Variants in ATOX1 observed in about 807,000 individuals in gnomAD.
ATOX1 encodes the protein antioxidant 1 copper chaperone.
Under a neutral mutation model 7.3 loss-of-function variants are expected in ATOX1, and 4 were observed. The ratio of observed to expected loss-of-function variants is 0.55; its 90% CI spans 0.27 to 1.25. The LOEUF is 1.25. ATOX1 is among the 50% of genes most tolerant of loss of function. The probability of loss-of-function intolerance (pLI) is 0.12; values close to 1 mark genes in which losing one functional copy is unlikely to be tolerated. For synonymous variants in ATOX1, 25 were observed against 28.7 expected (o/e 0.87, Z 0.41); for missense variants, 68 against 81.6 (o/e 0.83, Z 0.64).
chr5:151,751,846 C>T (rs1761954840), intron 1 of ATOX1, 67 bp from the exon 2 acceptor site: 8 of 1,474,456 alleles, frequency 5.4e-6, no homozygotes, highest in African/African-American at 1.4e-5. Flanking sequence ...TGCCAGCAGA[C>T]AGGCCCACTC....
chr5:151,755,938 C>CTTTTT (rs914215313), intron 1 of ATOX1, among the ~76,000 whole-genome samples: 6 of 118,444 alleles, frequency 5.1e-5, no homozygotes, highest in Non-Finnish European at 7.2e-5. Flanking sequence ...TGGGATGATT[C>CTTTTT]TTTTTTTTTT....
At chr5:151,750,599 T>A (rs1261062623) in intron 2 of ATOX1, among the ~76,000 whole-genome samples, 1 of 150,602 alleles carries the variant, frequency 6.6e-6, no homozygotes, top group Non-Finnish European at 1.5e-5. Context: ...AAAGACAAAA[T>A]TTTAAAAATT....
At chr5:151,746,552 C>G (rs1346929123) in intron 2 of ATOX1, 103 bp from the exon 3 acceptor site, 1 of 1,493,944 alleles carries the variant, frequency 6.7e-7, no homozygotes, top group Non-Finnish European at 9.1e-7. Flanking sequence ...ACCACCCTTG[C>G]CCTTTCCTCT....
intron 2 of ATOX1, among the ~76,000 whole-genome samples, chr5:151,750,881 G>A (rs950233620): frequency 6.6e-6 from 1 of 151,744 alleles, no homozygotes; most frequent in Non-Finnish European, 1.5e-5. Context: ...GGGAACTCCT[G>A]AGCTCAGGCA....
intron 2 of ATOX1, among the ~76,000 whole-genome samples, chr5:151,750,295 T>C (rs1007806985): frequency 1.8e-4 from 27 of 152,160 alleles, no homozygotes; most frequent in African/African-American, 6.5e-4. Context: ...CGGTGGCTCA[T>C]GCCTGTAACC....
chr5:151,757,564 G>C (rs1476244647), intron 1 of ATOX1, among the ~76,000 whole-genome samples: 5 of 152,202 alleles, frequency 3.3e-5, no homozygotes, highest in Non-Finnish European at 7.3e-5. Flanking sequence ...AAAGACACAT[G>C]GCAACTGTGG....
chr5:151,758,432 C>A (rs1762042475), intron 1 of ATOX1, 114 bp downstream of exon 1: 2 of 1,350,316 alleles, frequency 1.5e-6, no homozygotes, highest in East Asian at 6.2e-5. Context: ...GGGACAACAG[C>A]GGCTCCGGCC....
In ATOX1 at chr5:151,750,029, G is replaced by A. The variant is rs1761927613; in HGVS notation, c.82+1675C>T. On this transcript the variant is annotated intron_variant, in intron 2 of 3. Coordinates refer to ENST00000313115, the MANE Select transcript of ATOX1 (RefSeq NM_004045.4). ...AAAACTTAATGTCATTATTATTTAG[G>A]GTTTTAAAAAAGAAAATTTTAGAAG... Among the ~76,000 whole-genome samples, 3 of 152,190 alleles carry A rather than the reference G, an allele frequency of 2.0e-5. No individual in the cohort carries two copies. In the South Asian group the frequency reaches 6.2e-4, roughly 32 times the overall value.
chr5:151,758,563 C>T lies in ATOX1; in HGVS notation c.-12G>A. Reference sequence around the variant, plus strand: ...CCACTCACCGGCATGACTGAGGCAGCGGCGGTGTGGCGGCGGTGTGGCGGC... The same window carrying T: ...CCACTCACCGGCATGACTGAGGCAGTGGCGGTGTGGCGGCGGTGTGGCGGC... On this transcript the variant is annotated 5_prime_UTR_variant, in exon 1 of 4. Transcript: ENST00000313115. The T allele has an allele frequency of 2.1e-6, 3 of 1,421,356 alleles. No homozygotes were observed. Among genetic ancestry groups the T allele is most frequent in the South Asian group, 3.1e-5 (2 of 64,636 alleles). The allele number at this position is 1,421,356 out of a possible 1,614,324, so 88.0% of individuals were successfully genotyped here. A position where few individuals can be genotyped will look rare whatever the true frequency, so the allele number is the denominator to read the frequency against.
intron 1 of ATOX1, chr5:151,752,126 C>A: frequency 1.6e-6 from 1 of 617,510 alleles, no homozygotes; most frequent in Middle Eastern, 3.0e-4. Context: ...CTCAGGGCCA[C>A]CAGTAACTCT....
intron 1 of ATOX1, 57 bp from the exon 2 acceptor site, chr5:151,751,836 T>G (rs1437253440): frequency 5.8e-6 from 9 of 1,540,656 alleles, no homozygotes; most frequent in Non-Finnish European, 7.9e-6. Context: ...CCCCACACAG[T>G]GCCAGCAGAC....
chr5:151,750,644 CTTTTTTT>C (rs34586233), intron 2 of ATOX1, among the ~76,000 whole-genome samples: 3 of 100,350 alleles, frequency 3.0e-5, no homozygotes, highest in African/African-American at 3.8e-5. Flanking sequence ...TTTTTTCTTT[CTTTTTTT>C]TTTTTTTTTT....
Position 151,758,631 on chromosome 5 carries a change from T to A in ATOX1, c.-80A>T. The A allele has an allele frequency of 7.4e-7, 1 of 1,342,926 alleles. No individual in the cohort carries two copies. Among genetic ancestry groups the A allele is most frequent in the South Asian group, 1.9e-5 (1 of 53,512 alleles). 83.2% of individuals were successfully genotyped at this position (1,342,926 alleles called of 1,614,324 possible). ...TCTGGATTCGGAGGGCGGGTTCGGC[T>A]GCGCTTCCGAGAGTGCGCACTAGAG... On this transcript the variant is annotated 5_prime_UTR_variant, in exon 1 of 4. Coordinates refer to ENST00000313115, the MANE Select transcript of ATOX1 (RefSeq NM_004045.4).
chr5:151,751,762 C>T lies in ATOX1; in HGVS notation c.24G>A (p.Val8=). 6.2e-7 allele frequency: 1 copy of T among 1,608,752 alleles called. No homozygotes were observed. Among genetic ancestry groups the T allele is most frequent in the Non-Finnish European group, 8.5e-7 (1 of 1,177,738 alleles). Residue 8 remains valine, a synonymous_variant, in exon 2 of 4, where the codon GTG becomes GTA. Coordinates refer to ENST00000313115, the MANE Select transcript of ATOX1 (RefSeq NM_004045.4). MPKHEFS[V]DMTCGGCAEA... ...CAGCACAGCCTCCACAGGTCATGTC[C>T]ACAGAGAACTCGTGCTTCTGAAACA...
intron 3 of ATOX1, chr5:151,745,625 C>G (rs1761871666): frequency 6.6e-6 from 1 of 152,334 alleles, no homozygotes; most frequent in Non-Finnish European, 1.5e-5. Flanking sequence ...TTGTACCAGT[C>G]TGGACAGAGG....
chr5:151,751,550 C>G (rs1339979432), intron 2 of ATOX1, among the ~76,000 whole-genome samples, 154 bp downstream of exon 2: 1 of 152,150 alleles, frequency 6.6e-6, no homozygotes, highest in Non-Finnish European at 1.5e-5. Flanking sequence ...TCACATAAGC[C>G]ACTAAGAAAA....
At chr5:151,753,930 C>T (rs939745543) in intron 1 of ATOX1, 14 of 152,204 alleles carry the variant, frequency 9.2e-5, no homozygotes, top group African/African-American at 3.1e-4. Context: ...TTAAGCAGCT[C>T]GATTTTCCAG....
intron 2 of ATOX1, among the ~76,000 whole-genome samples, chr5:151,750,342 G>C (rs1374193555): frequency 1.3e-5 from 2 of 152,098 alleles, no homozygotes; most frequent in African/African-American, 4.8e-5. Flanking sequence ...CGGATTACTT[G>C]AGGTCAAGAG....
chr5:151,744,865 T>C (rs1461883358), intron 3 of ATOX1: 4 of 152,248 alleles, frequency 2.6e-5, no homozygotes, highest in Non-Finnish European at 5.9e-5. Flanking sequence ...AACTTTCATA[T>C]GTGGAGAGAT....
Sources: allele counts gnomAD v4.1 joint callset (sites outside exome capture counted in the v4.1 genomes callset), GRCh38; gene constraint gnomAD v4.1.1; transcripts MANE v1.5; gene names NCBI Gene and HGNC (gene_info 2026-07-23, HGNC 2026-07-21).